The following EVC variants were observed in gnomAD, a reference collection of about 807,000 sequenced individuals.
The protein encoded by EVC is evC complex member EVC.
EVC carries 116 observed loss-of-function variants against 118.9 expected under a neutral mutation model. The observed-to-expected ratio is 0.98, with a 90% CI of 0.84 to 1.14. The LOEUF (loss-of-function observed/expected upper bound fraction) is 1.14. Among genes scored for constraint, EVC ranks in the 50% most tolerant of loss-of-function variants. The pLI is 0.00. For missense variants in EVC, 1,401 were observed against 1,246.4 expected (o/e 1.12, Z -1.87); for synonymous variants, 619 against 534.7 (o/e 1.16, Z -2.18).
intron 16 of EVC, 120 bp downstream of exon 16, chr4:5,802,214 GT>G (rs1715140710): frequency 3.6e-6 from 5 of 1,383,910 alleles, no homozygotes; most frequent in Non-Finnish European, 5.0e-6. Flanking sequence ...TTATTTCAGT[GT>G]TTTAATGTAT....
the EVC span, among the ~76,000 whole-genome samples, chr4:5,827,044 C>A: frequency 6.6e-6 from 1 of 152,210 alleles, no homozygotes; most frequent in Non-Finnish European, 1.5e-5. Flanking sequence ...TGGCCAGAGG[C>A]AGGCTCTGAT....
the EVC span, chr4:5,828,456 C>G: frequency 6.2e-7 from 1 of 1,602,484 alleles, no homozygotes; most frequent in Non-Finnish European, 8.5e-7. Context: ...TCTGGTCCCA[C>G]GGGTGGGCCC....
chr4:5,828,173 C>T, the EVC span: 21 of 985,266 alleles, frequency 2.1e-5, no homozygotes, highest in Non-Finnish European at 2.3e-5. Flanking sequence ...CGTGGGTGGG[C>T]AGGATTACTT....
chr4:5,750,268 T>C (rs765459893), intron 8 of EVC, among the ~76,000 whole-genome samples: 9 of 152,164 alleles, frequency 5.9e-5, no homozygotes, highest in Non-Finnish European at 1.3e-4. Context: ...TCTGCAAAGG[T>C]GAAAGACTTT....
intron 18 of EVC, 66 bp downstream of exon 18, chr4:5,808,393 C>T (rs562307885): frequency 1.2e-6 from 2 of 1,609,832 alleles, no homozygotes; most frequent in South Asian, 1.1e-5. Context: ...TAGCTGAAGC[C>T]AGCCTGTGAC....
chr4:5,777,395 C>T (rs997243991), intron 11 of EVC, among the ~76,000 whole-genome samples: 4 of 152,080 alleles, frequency 2.6e-5, no homozygotes, highest in Non-Finnish European at 2.9e-5. Context: ...GGCCCCCACC[C>T]GTAATGAACA....
At chr4:5,788,513 G>A (rs1577582409) in intron 12 of EVC, among the ~76,000 whole-genome samples, 1 of 152,322 alleles carries the variant, frequency 6.6e-6, no homozygotes, top group East Asian at 1.9e-4. Context: ...AGAAATGGGT[G>A]TGTCAAAAAC....
At chr4:5,747,166 G>T (rs2152038262) in intron 7 of EVC, among the ~76,000 whole-genome samples, 1 of 152,220 alleles carries the variant, frequency 6.6e-6, no homozygotes, top group Admixed American at 6.5e-5. Flanking sequence ...TGTTCATCTG[G>T]GTGCAGGCTT....
At position 5,731,367 on chromosome 4, in the gene EVC, C is replaced by G; in HGVS notation, c.385-58C>G. Reference sequence around the variant, plus strand: ...TGAATCACTGGTAGAATTATGAATACTAGATCAAATCCCAGAGGCATCACA... The same window carrying G: ...TGAATCACTGGTAGAATTATGAATAGTAGATCAAATCCCAGAGGCATCACA... On this transcript the variant is annotated intron_variant, in intron 3 of 20. Transcript: ENST00000264956. This position sits in a 1 kb window ranked among gnomAD's most constrained non-coding sequence, Gnocchi z 5.6. 3 of 1,351,024 alleles carry G rather than the reference C, an allele frequency of 2.2e-6. No homozygotes were observed. The highest frequency in any genetic ancestry group is 1.7e-5 in the Admixed American group (1 of 59,662). 83.7% of individuals were successfully genotyped at this position (1,351,024 alleles called of 1,614,324 possible). A position where few individuals can be genotyped will look rare whatever the true frequency, so the allele number is the denominator to read the frequency against.
At chr4:5,826,965 C>G in the EVC span, 5 of 152,572 alleles carry the variant, frequency 3.3e-5, no homozygotes, top group Non-Finnish European at 5.9e-5. Context: ...CTCACTGTAT[C>G]CTGTGCATTC....
At chr4:5,777,980 C>T in intron 11 of EVC, among the ~76,000 whole-genome samples, 1 of 136,952 alleles carries the variant, frequency 7.3e-6, no homozygotes, top group Non-Finnish European at 1.6e-5. Context: ...CAGTGCTATC[C>T]CTCCCCCCTC....
At chr4:5,788,169 A>G (rs561468098) in intron 12 of EVC, among the ~76,000 whole-genome samples, 2 of 152,302 alleles carry the variant, frequency 1.3e-5, no homozygotes, top group East Asian at 1.9e-4. Context: ...CTGTGTAACA[A>G]GTAACCCCCA....
intron 12 of EVC, among the ~76,000 whole-genome samples, chr4:5,788,072 G>C (rs1712042487): frequency 6.6e-6 from 1 of 152,060 alleles, no homozygotes. Flanking sequence ...GAGCCCTGGG[G>C]TGCAGTCTCC....
intron 16 of EVC, among the ~76,000 whole-genome samples, chr4:5,803,163 C>T (rs181787625): frequency 6.6e-6 from 1 of 152,320 alleles, no homozygotes; most frequent in South Asian, 2.1e-4. Flanking sequence ...TTCTTAAATG[C>T]CACTTCTTAC....
intron 11 of EVC, chr4:5,758,159 A>G: frequency 1.4e-6 from 1 of 701,544 alleles, no homozygotes; most frequent in Non-Finnish European, 2.6e-6. Context: ...ATGCAGCCAC[A>G]AGCCGAGGAA....
At chr4:5,810,305 C>A in intron 19 of EVC, 34 bp from the exon 20 acceptor site, 1 of 1,558,964 alleles carries the variant, frequency 6.4e-7, no homozygotes, top group Non-Finnish European at 8.8e-7. Flanking sequence ...TCTAAAGTCA[C>A]AGAGCCATGC....
intron 11 of EVC, among the ~76,000 whole-genome samples, chr4:5,764,178 G>C (rs200514696): frequency 0.25 from 30,872 of 124,036 alleles, 2,797 homozygotes; most frequent in East Asian, 0.4. Flanking sequence ...TTTTGTCTTT[G>C]GTTCTGTTTA....
In EVC at chr4:5,711,353, C is replaced by T. The variant is rs1722973909; in HGVS notation, c.-28C>T. 1 of 1,007,140 alleles carries T rather than the reference C, an allele frequency of 9.9e-7. No individual in the cohort carries two copies. The allele number at this position is 1,007,140 out of a possible 1,614,324, so 62.4% of individuals were successfully genotyped here. A position where few individuals can be genotyped will look rare whatever the true frequency, so the allele number is the denominator to read the frequency against. On this transcript the variant is annotated 5_prime_UTR_variant, in exon 1 of 21. Transcript: ENST00000264956. ...GGACGGTGCAGCAGGCGGCGGGATG[C>T]GGCGGGGCGGCAGCCTGAGCGCCCC... is the stretch of plus-strand genomic sequence containing the variant.
chr4:5,798,657 G>T lies in EVC; in HGVS notation c.2169G>T (p.Gln723His), dbSNP rs771731311. The T allele has an allele frequency of 1.3e-6, 2 of 1,592,516 alleles. No homozygotes were observed. Among genetic ancestry groups the T allele is most frequent in the Admixed American group, 1.8e-5 (1 of 56,650 alleles). ...EAQQTRLQLQ[Q>H]RLLAEAQEVG... ...AGCAGACACGGCTGCAGCTCCAGCAGCGGCTCCTGGCCGAGGCCCAGGAGG... is the reference window on the plus strand; with the variant it reads ...AGCAGACACGGCTGCAGCTCCAGCATCGGCTCCTGGCCGAGGCCCAGGAGG... Residue 723 changes from glutamine to histidine, a missense_variant, in exon 15 of 21, where the codon CAG becomes CAT. Gln to His is a conservative substitution (Grantham distance 24, BLOSUM62 0). Transcript: ENST00000264956. The surrounding 1 kb of genome is among the most constrained non-coding windows in gnomAD (Gnocchi z 4.1).
Sources: allele counts gnomAD v4.1 joint callset (sites outside exome capture counted in the v4.1 genomes callset), GRCh38; gene constraint gnomAD v4.1.1; non-coding constraint Gnocchi (gnomAD v3.1); transcripts MANE v1.5; gene names NCBI Gene and HGNC (gene_info 2026-07-23, HGNC 2026-07-21).